CCDC22: variants seen among roughly 807,000 people sequenced by gnomAD.
CCDC22 encodes coiled-coil domain-containing protein 22.
A neutral mutation model predicts 53.1 loss-of-function variants in CCDC22; 4 were observed. The ratio of observed to expected loss-of-function variants is 0.08; its 90% CI spans 0.04 to 0.17. The LOEUF (loss-of-function observed/expected upper bound fraction) is 0.17, where lower values mean the gene tolerates loss of function less well. Among genes scored for constraint, CCDC22 ranks in the 10% least tolerant of loss-of-function variants. The pLI is 1.00. For synonymous variants in CCDC22, 222 were observed against 224.4 expected, an observed-to-expected ratio of 0.99 and a Z score of 0.10; for missense variants, 458 against 554.0, an observed-to-expected ratio of 0.83 and a Z score of 1.74.
At position 49,241,965 on chromosome X, in the gene CCDC22, C is replaced by T. The variant is rs199734362; in HGVS notation, c.229-51C>T. The T allele has an allele frequency of 2.3e-5, 27 of 1,192,466 alleles. No individual in the cohort carries two copies. The Admixed American group carries it at 3.1e-4, about 14-fold the overall frequency. ...GTTTTCAGCCTAGGCCCAAGTCTCC[C>T]AGGGCAGGAGGACCCTGCCTGCTTC... On this transcript the variant is annotated intron_variant, in intron 2 of 16. Coordinates refer to ENST00000376227, the MANE Select transcript of CCDC22 (RefSeq NM_014008.5).
At chrX:49,241,743 CTT>C (rs1297690066) in intron 2 of CCDC22, among the ~76,000 whole-genome samples, 2 of 111,671 alleles carry the variant, frequency 1.8e-5, no homozygotes, top group Admixed American at 1.9e-4. Flanking sequence ...TATTTTCTTT[CTT>C]TTCATGTATT....
At position 49,242,983 on chromosome X, in the gene CCDC22, G is replaced by A; in HGVS notation, c.459G>A (p.Gln153=). The A allele has an allele frequency of 2.6e-6, 3 of 1,148,249 alleles. No homozygotes were observed. The South Asian group carries it at 6.2e-5, about 24-fold the overall frequency. 94.6% of individuals were successfully genotyped at this position (1,148,249 alleles called of 1,213,427 possible). The change falls in exon 4 of 17, where the codon CAG becomes CAA. Residue 153 remains glutamine (Q), a synonymous_variant. Coordinates refer to ENST00000376227, the MANE Select transcript of CCDC22 (RefSeq NM_014008.5). The part of the protein sequence containing the change: ...VPPHLRTPKL[Q]HLQGSALQKP... ...CCCACCTTCGCACTCCCAAGCTGCA[G>A]CACCTCCAGGTGAGACCCCTGACTC... is the stretch of plus-strand genomic sequence containing the variant.
chrX:49,242,345 C>G, intron 3 of CCDC22, 197 bp downstream of exon 3: 1 of 749,729 alleles, frequency 1.3e-6, no homozygotes, highest in Non-Finnish European at 1.6e-6. Context: ...TGAGGTTGAG[C>G]TGACCCCGGT....
intron 6 of CCDC22, 98 bp from the exon 7 acceptor site, chrX:49,246,633 G>C: frequency 1.3e-6 from 1 of 748,835 alleles, no homozygotes; most frequent in Non-Finnish European, 1.9e-6. Context: ...GGGGTGACTT[G>C]TCAGTATACT....
chrX:49,235,749 C>T, intron 1 of CCDC22, 63 bp downstream of exon 1: 1 of 1,021,866 alleles, frequency 9.8e-7, no homozygotes, highest in Non-Finnish European at 1.3e-6. Context: ...CCCAGGACCC[C>T]GTTTCCCGGG....
chrX:49,245,530 G>A (rs980278784), intron 6 of CCDC22, among the ~76,000 whole-genome samples: 12 of 110,595 alleles, frequency 1.1e-4, no homozygotes, highest in African/African-American at 3.6e-4. Context: ...GCACCACCAC[G>A]CCCAGCTAAT....
intron 2 of CCDC22, among the ~76,000 whole-genome samples, chrX:49,240,928 G>A (rs1437825814): frequency 8.9e-6 from 1 of 112,498 alleles, no homozygotes; most frequent in Non-Finnish European, 1.9e-5. Context: ...ATACTCCTAA[G>A]TATAGAATAA....
Position 49,248,318 on chromosome X carries a change from T to G in CCDC22, c.1212+8T>G. The G allele has an allele frequency of 2.0e-6, 1 of 492,077 alleles. No individual in the cohort carries two copies. The highest frequency in any genetic ancestry group is 5.9e-4 in the Middle Eastern group (1 of 1,694). The allele number at this position is 492,077 out of a possible 1,213,427, so 40.6% of individuals were successfully genotyped here. ...AACCTTGCCAAGCTGCAGGTGGGGT[T>G]GGGGCTGTAGCTGGGCGGAGAGGGG... On this transcript the variant is annotated splice_region_variant and intron_variant, in intron 10 of 16. Coordinates refer to ENST00000376227, the MANE Select transcript of CCDC22 (RefSeq NM_014008.5).
At chrX:49,241,157 C>T (rs2065961629) in intron 2 of CCDC22, among the ~76,000 whole-genome samples, 2 of 111,704 alleles carry the variant, frequency 1.8e-5, no homozygotes, top group Non-Finnish European at 3.8e-5. Context: ...CTTTCAGAGT[C>T]TATGCAGTTC....
rs782528298 is a variant in CCDC22 at position 49,248,130 on chromosome X, G to A, written c.1093-61G>A. On this transcript the variant is annotated intron_variant, in intron 9 of 16. Coordinates refer to ENST00000376227, the MANE Select transcript of CCDC22 (RefSeq NM_014008.5). ...AGAGGCCTGTGGGGGCCACAGGGGT[G>A]TACAGTCATCTGTGGAGCTCCATGG... 9 of 1,195,106 alleles carry A rather than the reference G, an allele frequency of 7.5e-6. No individual in the cohort carries two copies. The African/African-American group carries it at 1.4e-4, about 19-fold the overall frequency.
At chrX:49,244,754 C>G (rs1298059715) in intron 6 of CCDC22, among the ~76,000 whole-genome samples, 1 of 111,478 alleles carries the variant, frequency 9.0e-6, no homozygotes, top group African/African-American at 3.3e-5. Context: ...GGGGTTTTGC[C>G]ATGTTGACCA....
chrX:49,240,507 T>C (rs1481064632), intron 2 of CCDC22, among the ~76,000 whole-genome samples: 5 of 111,517 alleles, frequency 4.5e-5, no homozygotes, highest in African/African-American at 1.6e-4. Context: ...TGAGTCGAGA[T>C]TGCACCACTG....
At chrX:49,247,838 A>G in intron 9 of CCDC22, 70 bp downstream of exon 9, 2 of 1,149,622 alleles carry the variant, frequency 1.7e-6, no homozygotes, top group South Asian at 3.8e-5. Flanking sequence ...GAGGGACTAG[A>G]TGGGGCAAGA....
chrX:49,248,252 T>C lies in CCDC22; in HGVS notation c.1154T>C (p.Leu385Pro). The C allele has an allele frequency of 8.3e-7, 1 of 1,204,548 alleles. No individual in the cohort carries two copies. Among genetic ancestry groups the C allele is most frequent in the Non-Finnish European group, 1.1e-6 (1 of 894,711 alleles). ...GCAGAGCGTGAGCAGGCCCTGCGCC[T>C]GAAGAGCCGCGCGGTGGAGCTGCTG... is the stretch of plus-strand genomic sequence containing the variant. ...STAEREQALR[L>P]KSRAVELLPD... The change falls in exon 10 of 17, where the codon CTG becomes CCG. Residue 385 changes from leucine (L) to proline (P), a missense_variant. Leu to Pro is a moderately conservative substitution (Grantham distance 98). Around this residue, in one of 4 missense-constraint regions of CCDC22, gnomAD observed 309 missense variants for 312.3 expected, o/e 0.99. Transcript: ENST00000376227.
intron 2 of CCDC22, among the ~76,000 whole-genome samples, chrX:49,240,625 A>C (rs1187052247): frequency 1.8e-5 from 2 of 111,750 alleles, no homozygotes; most frequent in African/African-American, 6.5e-5. Flanking sequence ...CAGCAGGCAA[A>C]AGGAGTTCTC....
chrX:49,242,316 AGGGCAGG>A (rs2065967688), intron 3 of CCDC22, 168 bp downstream of exon 3: 1 of 750,310 alleles, frequency 1.3e-6, no homozygotes, highest in African/African-American at 2.3e-5. Flanking sequence ...GAGGGGCTAC[AGGGCAGG>A]GGGCAGGGGG....
intron 4 of CCDC22, 53 bp downstream of exon 4, chrX:49,243,045 G>C (rs1359008164): frequency 1.5e-5 from 17 of 1,140,559 alleles, no homozygotes; most frequent in Non-Finnish European, 1.7e-5. Flanking sequence ...GGGTGCCCAG[G>C]GTTTTGGCCC....
chrX:49,242,798 G>A (rs141687124), intron 3 of CCDC22, 88 bp from the exon 4 acceptor site: 24,093 of 508,278 alleles, frequency 0.047, 576 homozygotes, highest in Non-Finnish European at 0.061. Context: ...TCTGGATGGG[G>A]GTCAGGAGTG....
chrX:49,240,195 G>A (rs1270642529), intron 2 of CCDC22, among the ~76,000 whole-genome samples: 4 of 104,146 alleles, frequency 3.8e-5, no homozygotes, highest in African/African-American at 7.1e-5. Flanking sequence ...CCAGGCTGCA[G>A]TGGGCTGTGA....
Sources: gnomAD v4.1 joint callset for allele counts (sites outside exome capture counted in the v4.1 genomes callset) on GRCh38, gnomAD v4.1.1 for gene constraint, gnomAD v4.1.1 regional missense constraint, MANE v1.5 for transcripts, NCBI Gene and HGNC (gene_info 2026-07-23, HGNC 2026-07-21) for gene names.